Variants in DPH7 observed in about 807,000 individuals in gnomAD.
The protein encoded by DPH7 is diphthamide biosynthesis 7, also known as diphthine methyltransferase.
A neutral mutation model predicts 41.7 loss-of-function variants in DPH7; 44 were observed. The ratio of observed to expected loss-of-function variants is 1.05; its 90% CI spans 0.83 to 1.36. The LOEUF is 1.36. Among genes scored for constraint, DPH7 ranks in the 40% most tolerant of loss-of-function variants. The pLI, the probability that DPH7 is intolerant of heterozygous loss-of-function variation, is 0.00. For synonymous variants in DPH7, 275 were observed against 238.0 expected (o/e 1.16, Z -1.43); for missense variants, 629 against 577.5 (o/e 1.09, Z -0.91).
intron 5 of DPH7, among the ~76,000 whole-genome samples, chr9:137,572,247 G>A (rs546681445): frequency 6.6e-6 from 1 of 152,328 alleles, no homozygotes; most frequent in East Asian, 1.9e-4. Flanking sequence ...ATCCCGTGAC[G>A]AAACCCTGAG....
chr9:137,557,216 T>C (rs1258200739), intron 8 of DPH7, among the ~76,000 whole-genome samples: 1 of 152,172 alleles, frequency 6.6e-6, no homozygotes, highest in Non-Finnish European at 1.5e-5. Flanking sequence ...TACAAATTGT[T>C]TTAAAATTAG....
rs1407339412 is a variant in DPH7, at chr9:137,578,724, C to T, written c.54G>A (p.Ser18=). 1 of 1,529,898 alleles carries T rather than the reference C, an allele frequency of 6.5e-7. No homozygotes were observed. Among genetic ancestry groups the T allele is most frequent in the Non-Finnish European group, 8.8e-7 (1 of 1,139,648 alleles). 94.8% of individuals were successfully genotyped at this position (1,529,898 alleles called of 1,614,324 possible). A position where few individuals can be genotyped will look rare whatever the true frequency, so the allele number is the denominator to read the frequency against. ...AGCCTTGCAGCGGGCACCACTCCAC[C>T]GAGTCCGCGGTCAGCTCGGTGTCCA... ...QTVDTELTAD[S]VEWCPLQGCR... is the part of the protein sequence containing the mutation. The change falls in exon 1 of 9, where the codon TCG becomes TCA. Residue 18 remains serine (S), a synonymous_variant. Transcript: ENST00000277540.
intron 5 of DPH7, among the ~76,000 whole-genome samples, chr9:137,572,881 C>T (rs978264451): frequency 6.6e-6 from 1 of 152,212 alleles, no homozygotes; most frequent in African/African-American, 2.4e-5. Flanking sequence ...GGCGAAGTCA[C>T]TATTGTATCC....
chr9:137,574,135 A>T, intron 5 of DPH7, 73 bp downstream of exon 5: 2 of 1,475,484 alleles, frequency 1.4e-6, no homozygotes, highest in Non-Finnish European at 1.9e-6. Context: ...GCTGTGGCAC[A>T]GGCCTCCCTC....
rs560009108 is a variant in DPH7 at position 137,555,136 on chromosome 9, A to G, written c.*103T>C. ...CTGTGGATTCCATCAGTGCACAGGC[A>G]CCTGCAGGGCTGCAGTAAGCATCTC... On this transcript the variant is annotated 3_prime_UTR_variant, in exon 9 of 9. Coordinates refer to ENST00000277540, the MANE Select transcript of DPH7 (RefSeq NM_138778.5). The G allele has an allele frequency of 7.1e-7, 1 of 1,398,758 alleles. No homozygotes were observed. The highest frequency in any genetic ancestry group is 1.4e-5 in the African/African-American group (1 of 69,370). The allele number at this position is 1,398,758 out of a possible 1,614,324, so 86.6% of individuals were successfully genotyped here.
intron 2 of DPH7, 40 bp downstream of exon 2, chr9:137,577,430 A>C (rs1359361325): frequency 6.3e-7 from 1 of 1,597,936 alleles, no homozygotes; most frequent in Non-Finnish European, 8.6e-7. Context: ...ATTGCTACTC[A>C]TGACAAATTC....
In DPH7 at chr9:137,555,559, A is replaced by G; in HGVS notation, c.1039T>C (p.Ser347Pro). The G allele has an allele frequency of 6.2e-7, 1 of 1,613,886 alleles. No homozygotes were observed. The highest frequency in any genetic ancestry group is 8.5e-7 in the Non-Finnish European group (1 of 1,179,976). Residue 347 changes from serine (S) to proline (P), a missense_variant, in exon 9 of 9, where the codon TCT (serine) becomes CCT (proline). Ser to Pro is a moderately conservative substitution (Grantham distance 74). Coordinates refer to ENST00000277540, the MANE Select transcript of DPH7 (RefSeq NM_138778.5). ...GADWSWLLFR[S>P]LQRAPSWSFP... Reference sequence around the variant, plus strand: ...GACCACGAGGGGGCCCGCTGCAGAGAACGGAAGAGCAGCCAGGACCAGTCG... The same window carrying G: ...GACCACGAGGGGGCCCGCTGCAGAGGACGGAAGAGCAGCCAGGACCAGTCG...
At chr9:137,555,688 A>G in intron 8 of DPH7, 40 bp from the exon 9 acceptor site, 1 of 1,536,844 alleles carries the variant, frequency 6.5e-7, no homozygotes. Context: ...ACACAACATC[A>G]CCCAGAGCCT....
Position 137,560,351 on chromosome 9 carries a change from GA to G in DPH7, c.949+4082del, listed in dbSNP as rs201435370. 1.9e-4 allele frequency among the ~76,000 whole-genome samples: 29 copies of G among 152,236 alleles called. No individual in the cohort carries two copies. The East Asian group carries it at 4.6e-3, about 24-fold the overall frequency. On this transcript the variant is annotated intron_variant, in intron 8 of 8. Coordinates refer to ENST00000277540, the MANE Select transcript of DPH7 (RefSeq NM_138778.5). ...TAGTCAATTGCGAGCTGAGACTTAG[GA>G]AAAAACAGGTGGGGCAAGGACAGAA...
Position 137,555,189 on chromosome 9 carries a change from G to T in DPH7, c.*50C>A. The T allele has an allele frequency of 6.5e-7, 1 of 1,541,354 alleles. No individual in the cohort carries two copies. Among genetic ancestry groups the T allele is most frequent in the Non-Finnish European group, 8.7e-7 (1 of 1,142,890 alleles). ...ATGAGGTGGTCCCGGGCACTCACTC[G>T]CAGTCTCCCTCCTGGTTTCCTTGTG... On this transcript the variant is annotated 3_prime_UTR_variant, in exon 9 of 9. Transcript: ENST00000277540.
intron 8 of DPH7, among the ~76,000 whole-genome samples, chr9:137,561,852 G>A (rs1588831652): frequency 6.6e-6 from 1 of 152,086 alleles, no homozygotes; most frequent in South Asian, 2.1e-4. Context: ...AGAGTTGGAG[G>A]TAGCAATAGC....
intron 5 of DPH7, among the ~76,000 whole-genome samples, chr9:137,574,002 A>T (rs534006693): frequency 3.2e-4 from 48 of 152,250 alleles, no homozygotes; most frequent in Admixed American, 2.7e-3. Flanking sequence ...GGAGGTGGAG[A>T]TTGCAGTAAG....
Position 137,564,888 on chromosome 9 carries a change from C to T in DPH7, c.776+5G>A. 1 of 1,590,054 alleles carries T rather than the reference C, an allele frequency of 6.3e-7. No homozygotes were observed. Among genetic ancestry groups the T allele is most frequent in the South Asian group, 1.1e-5 (1 of 88,276 alleles). ...GAAGGGCCCGAGAGCCTCCTGGGGA[C>T]TCACCTTCCCGTGGCCAGGATGTGC... On this transcript the variant is annotated splice_donor_5th_base_variant and intron_variant, in intron 7 of 8. Transcript: ENST00000277540.
intron 8 of DPH7, 133 bp from the exon 9 acceptor site, chr9:137,555,781 G>A (rs1377927731): frequency 3.9e-6 from 4 of 1,022,530 alleles, no homozygotes; most frequent in East Asian, 2.7e-5. Context: ...GAGCCGTTGT[G>A]TCATGCAAAG....
At chr9:137,577,344 G>C (rs1002126929) in intron 2 of DPH7, 126 bp downstream of exon 2, 1 of 966,316 alleles carries the variant, frequency 1.0e-6, no homozygotes, top group Non-Finnish European at 1.6e-6. Flanking sequence ...AAGATAGGCG[G>C]GACAGCAAAG....
In DPH7 at chr9:137,555,539, C is replaced by A; in HGVS notation, c.1059G>T (p.Ser353=). ...TTCCTAGGTTGCTAGGAAAGGACCA[C>A]GAGGGGGCCCGCTGCAGAGAACGGA... is the stretch of plus-strand genomic sequence containing the variant. The part of the protein sequence containing the change: ...LLFRSLQRAP[S]WSFPSNLGTK... Residue 353 remains serine, a synonymous_variant, in exon 9 of 9, where the codon TCG becomes TCT. Transcript: ENST00000277540. 1.9e-6 allele frequency: 3 copies of A among 1,614,002 alleles called. No homozygotes were observed. The highest frequency in any genetic ancestry group is 2.2e-5 in the South Asian group (2 of 91,080).
intron 8 of DPH7, among the ~76,000 whole-genome samples, chr9:137,561,149 A>C (rs989433816): frequency 4.6e-5 from 7 of 152,170 alleles, no homozygotes; most frequent in Non-Finnish European, 8.8e-5. Context: ...AGGTTCAAAG[A>C]TTCTCACCAC....
At chr9:137,578,590 C>A in intron 1 of DPH7, 35 bp downstream of exon 1, 1 of 1,439,526 alleles carries the variant, frequency 6.9e-7, no homozygotes, top group South Asian at 1.4e-5. Context: ...CGTGGCCGGC[C>A]CCGCCCTCCC....
chr9:137,571,615 G>A (rs1399031093), intron 5 of DPH7, among the ~76,000 whole-genome samples: 3 of 151,584 alleles, frequency 2.0e-5, no homozygotes, highest in Non-Finnish European at 2.9e-5. Flanking sequence ...TGGTAAAACC[G>A]CATCTCTACT....
Sources: gnomAD v4.1 joint callset for allele counts (sites outside exome capture counted in the v4.1 genomes callset) on GRCh38, gnomAD v4.1.1 for gene constraint, MANE v1.5 for transcripts, NCBI Gene and HGNC (gene_info 2026-07-23, HGNC 2026-07-21) for gene names.